The following TC2N variants were observed in gnomAD, a reference collection of about 807,000 sequenced individuals.
The protein encoded by TC2N is tandem C2 domains, nuclear.
A neutral mutation model predicts 61.9 loss-of-function variants in TC2N; 51 were observed. The ratio of observed to expected loss-of-function variants is 0.82; its 90% CI spans 0.66 to 1.04. TC2N has a LOEUF of 1.04. TC2N is among the 50% of genes least tolerant of loss of function. The pLI is 0.00. For synonymous variants in TC2N, 204 were observed against 192.6 expected (o/e 1.06, Z -0.49); for missense variants, 556 against 566.7 (o/e 0.98, Z 0.19).
chr14:91,784,016 G>A (rs1312280717), intron 11 of TC2N, among the ~76,000 whole-genome samples: 4 of 152,006 alleles, frequency 2.6e-5, no homozygotes, highest in Non-Finnish European at 1.5e-5. Flanking sequence ...GAGTACTTTC[G>A]TTGATACAGG....
At chr14:91,849,374 C>T (rs529229355) in intron 1 of TC2N, among the ~76,000 whole-genome samples, 3 of 152,040 alleles carry the variant, frequency 2.0e-5, no homozygotes, top group Admixed American at 6.5e-5. Context: ...GCCACGTTTC[C>T]CAGGTAGAAC....
In TC2N at chr14:91,781,596, C is replaced by T. The variant is rs1021294396; in HGVS notation, c.*1504G>A. ...AAAAACAATTTTTAAAAGTTGTATT[C>T]GTCTCAGATTCAAAATATTATCACA... On this transcript the variant is annotated 3_prime_UTR_variant, in exon 12 of 12. Coordinates refer to ENST00000435962, the MANE Select transcript of TC2N (RefSeq NM_001128596.3). 1.3e-5 allele frequency: 2 copies of T among 151,984 alleles called. No homozygotes were observed. The highest frequency in any genetic ancestry group is 2.4e-5 in the African/African-American group (1 of 41,412). The allele number at this position is 151,984 out of a possible 1,614,324, so 9.4% of individuals were successfully genotyped here. A position where few individuals can be genotyped will look rare whatever the true frequency, so the allele number is the denominator to read the frequency against.
In TC2N at chr14:91,785,213, G is replaced by A; in HGVS notation, c.1311C>T (p.Leu437=). The A allele has an allele frequency of 6.2e-7, 1 of 1,613,722 alleles. No homozygotes were observed. The highest frequency in any genetic ancestry group is 8.5e-7 in the Non-Finnish European group (1 of 1,179,766). Residue 437 remains leucine, a synonymous_variant, in exon 11 of 12, where the codon CTC becomes CTT. Coordinates refer to ENST00000435962, the MANE Select transcript of TC2N (RefSeq NM_001128596.3). ...CAGAGCTTCGACTGTAAAGCTTAAT[G>A]AGAAAAACAATTTCTTTTTCACTCT... is the stretch of plus-strand genomic sequence containing the variant. ...LIQSEKEIVF[L]IKLYSRSSVR...
In TC2N at chr14:91,839,182, C is replaced by T. The variant is rs536803427; in HGVS notation, c.-56-25357G>A. ...TGCTTTGTGACTCAGCCCAAGCCTACCTCTCCAGCCTTATCTCCCAGTATT... is the reference window on the plus strand; with the variant it reads ...TGCTTTGTGACTCAGCCCAAGCCTATCTCTCCAGCCTTATCTCCCAGTATT... On this transcript the variant is annotated intron_variant, in intron 1 of 11. Transcript: ENST00000435962. 3.9e-5 allele frequency among the ~76,000 whole-genome samples: 6 copies of T among 152,280 alleles called. No homozygotes were observed. The South Asian group carries it at 1.2e-3, about 32-fold the overall frequency.
At chr14:91,791,191 G>GGGAGA (rs1885633668) in intron 9 of TC2N, among the ~76,000 whole-genome samples, 1 of 127,936 alleles carries the variant, frequency 7.8e-6, no homozygotes, top group Admixed American at 7.7e-5. Context: ...GGGAGGGGAG[G>GGGAGA]GGAGGGGAGG....
In TC2N at chr14:91,787,520, C is replaced by G; in HGVS notation, c.1155G>C (p.Leu385=). The change falls in exon 10 of 12, where the codon CTG becomes CTC. Residue 385 remains leucine (L), a synonymous_variant. Transcript: ENST00000435962. ...ARYLPSSSTP[L]TLSFFVKVGM... is the part of the protein sequence containing the mutation. The stretch of plus-strand genomic sequence containing the variant: ...AACCACTGATATACTTACTCAAAGT[C>G]AGAGGTGTTGATGAGCTTGGAAGGT... 1 of 1,601,594 alleles carries G rather than the reference C, an allele frequency of 6.2e-7. No individual in the cohort carries two copies. Among genetic ancestry groups the G allele is most frequent in the Non-Finnish European group, 8.5e-7 (1 of 1,172,042 alleles).
At chr14:91,851,435 G>T (rs10145584) in intron 1 of TC2N, among the ~76,000 whole-genome samples, 148,582 of 152,264 alleles carry the variant, frequency 0.98, 72,610 homozygotes, top group East Asian at 1. Context: ...CTCCCTCTGT[G>T]TGGTCTAAAT....
rs535512266 is a variant in TC2N at position 91,781,147 on chromosome 14, A to C, written c.*1953T>G. 148 of 152,284 alleles carry C rather than the reference A, an allele frequency of 9.7e-4. No homozygotes were observed. Among genetic ancestry groups the C allele is most frequent in the African/African-American group, 3.4e-3 (142 of 41,580 alleles). The allele number at this position is 152,284 out of a possible 1,614,324, so 9.4% of individuals were successfully genotyped here. A position where few individuals can be genotyped will look rare whatever the true frequency, so the allele number is the denominator to read the frequency against. ...TTAAATTTGGAAATTCAAAGCATTAATAGAACAGAGAAACCAGCTAAAACA... is the reference window on the plus strand; with the variant it reads ...TTAAATTTGGAAATTCAAAGCATTACTAGAACAGAGAAACCAGCTAAAACA... On this transcript the variant is annotated 3_prime_UTR_variant, in exon 12 of 12. Transcript: ENST00000435962.
At chr14:91,830,385 A>G (rs1490691730) in intron 1 of TC2N, among the ~76,000 whole-genome samples, 3 of 152,248 alleles carry the variant, frequency 2.0e-5, no homozygotes, top group African/African-American at 7.2e-5. Context: ...CAAATGAAGT[A>G]CTGATTCACA....
chr14:91,865,307 C>G (rs189410104), intron 1 of TC2N, among the ~76,000 whole-genome samples: 1 of 151,466 alleles, frequency 6.6e-6, no homozygotes. Flanking sequence ...CTTTCATCCC[C>G]GCAAAAGCTA....
At chr14:91,831,208 C>T (rs1460974863) in intron 1 of TC2N, among the ~76,000 whole-genome samples, 1 of 152,072 alleles carries the variant, frequency 6.6e-6, no homozygotes, top group East Asian at 1.9e-4. Flanking sequence ...TTGTCCAATA[C>T]CTCACAACTT....
intron 3 of TC2N, among the ~76,000 whole-genome samples, chr14:91,807,297 G>T (rs1487471152): frequency 2.6e-5 from 4 of 152,142 alleles, no homozygotes; most frequent in Non-Finnish European, 5.9e-5. Flanking sequence ...TGAGAAGAAG[G>T]CCACCATCCT....
intron 1 of TC2N, among the ~76,000 whole-genome samples, chr14:91,823,128 A>G (rs1394254177): frequency 6.6e-6 from 1 of 152,154 alleles, no homozygotes; most frequent in East Asian, 1.9e-4. Flanking sequence ...TATCAATTAG[A>G]CCTCAATAAA....
chr14:91,818,552 A>T (rs1887106635), intron 1 of TC2N, among the ~76,000 whole-genome samples: 2 of 152,098 alleles, frequency 1.3e-5, no homozygotes, highest in South Asian at 4.1e-4. Context: ...AAATATATAG[A>T]ACCCATAATG....
At chr14:91,786,979 T>G (rs1301463561) in intron 10 of TC2N, among the ~76,000 whole-genome samples, 2 of 152,184 alleles carry the variant, frequency 1.3e-5, no homozygotes, top group African/African-American at 4.8e-5. Flanking sequence ...GAACATGCAT[T>G]GCTTTTGCCT....
At chr14:91,855,189 C>A (rs541946410) in intron 1 of TC2N, among the ~76,000 whole-genome samples, 62 of 152,306 alleles carry the variant, frequency 4.1e-4, no homozygotes, top group African/African-American at 1.3e-3. Flanking sequence ...TTCTGTCCCA[C>A]CTTCCACTCC....
At chr14:91,825,026 CTTTTTTTTTTTTT>C (rs5810554) in intron 1 of TC2N, among the ~76,000 whole-genome samples, 5 of 66,854 alleles carry the variant, frequency 7.5e-5, no homozygotes, top group East Asian at 5.7e-4. Flanking sequence ...TTTTTCTTTT[CTTTTTTTTTTTTT>C]TTTTTTTTTT....
At chr14:91,846,563 C>T (rs1888274888) in intron 1 of TC2N, among the ~76,000 whole-genome samples, 1 of 152,122 alleles carries the variant, frequency 6.6e-6, no homozygotes, top group African/African-American at 2.4e-5. Flanking sequence ...GGCATCCAGC[C>T]CAACAGCTCT....
intron 3 of TC2N, among the ~76,000 whole-genome samples, chr14:91,804,195 T>C (rs780560831): frequency 1.3e-5 from 2 of 152,172 alleles, no homozygotes; most frequent in Non-Finnish European, 2.9e-5. Context: ...ATAGTACGTG[T>C]TGGCAAGAAA....
Sources: allele counts gnomAD v4.1 joint callset (sites outside exome capture counted in the v4.1 genomes callset), GRCh38; gene constraint gnomAD v4.1.1; transcripts MANE v1.5; gene names NCBI Gene and HGNC (gene_info 2026-07-23, HGNC 2026-07-21).